Variants in NFYC observed in about 807,000 individuals in gnomAD.
The protein encoded by NFYC is CAAT box DNA-binding protein subunit C.
Under a neutral mutation model 53.1 loss-of-function variants are expected in NFYC, and 25 were observed. The observed-to-expected ratio is 0.47, with a 90% CI of 0.34 to 0.66. The LOEUF (loss-of-function observed/expected upper bound fraction) is 0.66, where lower values mean the gene tolerates loss of function less well. Ranked by LOEUF, NFYC falls within the 30% of genes least tolerant of loss-of-function variation. NFYC has a pLI of 0.01. For synonymous variants in NFYC, 145 were observed against 152.6 expected (o/e 0.95, Z 0.37); for missense variants, 260 against 422.7 (o/e 0.62, Z 3.38).
chr1:40,722,119 C>A (rs1398142594), intron 1 of NFYC, among the ~76,000 whole-genome samples: 1 of 152,012 alleles, frequency 6.6e-6, no homozygotes, highest in East Asian at 1.9e-4. Flanking sequence ...TGCAGTGAGC[C>A]AAGATCATGC....
intron 9 of NFYC, among the ~76,000 whole-genome samples, chr1:40,769,759 AT>A (rs890526121): frequency 6.6e-6 from 1 of 152,076 alleles, no homozygotes; most frequent in East Asian, 1.9e-4. Context: ...CTAGAACTGT[AT>A]TTTTTTCCCC....
chr1:40,710,179 A>G (rs1290451513), intron 1 of NFYC, among the ~76,000 whole-genome samples: 5 of 152,248 alleles, frequency 3.3e-5, no homozygotes, highest in Admixed American at 1.3e-4. Flanking sequence ...TGTAGTAACA[A>G]TCTTTGTTTT....
intron 1 of NFYC, chr1:40,692,182 GC>G (rs1447246752): frequency 5.5e-6 from 1 of 182,904 alleles, no homozygotes; most frequent in Non-Finnish European, 1.2e-5. Flanking sequence ...TATTGGACGC[GC>G]CAGCTCCGGT....
chr1:40,706,293 G>C (rs1447167953), intron 1 of NFYC, among the ~76,000 whole-genome samples: 1 of 152,088 alleles, frequency 6.6e-6, no homozygotes, highest in Non-Finnish European at 1.5e-5. Context: ...GTATTGTAGT[G>C]AGAATTAGAG....
At chr1:40,705,422 A>G (rs1643649138) in intron 1 of NFYC, among the ~76,000 whole-genome samples, 1 of 152,172 alleles carries the variant, frequency 6.6e-6, no homozygotes, top group Non-Finnish European at 1.5e-5. Context: ...GGATGGGAGT[A>G]GCTATTCAGA....
At chr1:40,762,482 C>T (rs911231731) in intron 6 of NFYC, among the ~76,000 whole-genome samples, 1 of 152,214 alleles carries the variant, frequency 6.6e-6, no homozygotes, top group Non-Finnish European at 1.5e-5. Flanking sequence ...CTGACCCTTT[C>T]CATTTAATGT....
In NFYC at chr1:40,713,720, T is replaced by C. The variant is rs1570378313; in HGVS notation, c.-9+21853T>C. Among the ~76,000 whole-genome samples the C allele has an allele frequency of 2.0e-5, 3 of 152,342 alleles. No homozygotes were observed. The South Asian group carries it at 6.2e-4, about 32-fold the overall frequency. On this transcript the variant is annotated intron_variant, in intron 1 of 9. Coordinates refer to ENST00000447388, the MANE Select transcript of NFYC (RefSeq NM_014223.5). ...GTCTTTCAGCTTTTTAGGAACAGGC[T>C]TGTACAAGTTTGGAGATTTGACTCC...
At chr1:40,761,458 A>G (rs1236760183) in intron 6 of NFYC, among the ~76,000 whole-genome samples, 4 of 152,248 alleles carry the variant, frequency 2.6e-5, no homozygotes, top group African/African-American at 9.6e-5. Flanking sequence ...GAAAGAATGC[A>G]TATTTTGGTA....
chr1:40,733,010 C>A (rs895643989), intron 1 of NFYC, among the ~76,000 whole-genome samples: 12 of 63,028 alleles, frequency 1.9e-4, no homozygotes, highest in Admixed American at 6.0e-4. Flanking sequence ...CAAGATTCGC[C>A]CCCCCCCCCT....
chr1:40,727,464 CCT>C (rs1644568310), intron 1 of NFYC, among the ~76,000 whole-genome samples: 2 of 151,904 alleles, frequency 1.3e-5, no homozygotes, highest in African/African-American at 4.8e-5. Flanking sequence ...CTAAAGCAGT[CCT>C]CCCGCCTTGG....
chr1:40,702,371 C>G (rs1266628469), intron 1 of NFYC, among the ~76,000 whole-genome samples: 1 of 136,210 alleles, frequency 7.3e-6, no homozygotes, highest in Non-Finnish European at 1.5e-5. Flanking sequence ...GAGAGGGAGT[C>G]TCTCTTTGTC....
Position 40,758,714 on chromosome 1 carries a change from C to T in NFYC, c.561+420C>T, listed in dbSNP as rs1039965938. On this transcript the variant is annotated intron_variant, in intron 6 of 9. Transcript: ENST00000447388. ...TGCCAAGTTGCATACTCCTTCTCCC[C>T]GTCATTTCTCTGTCCCATATTTGTG... Among the ~76,000 whole-genome samples, 5 of 152,156 alleles carry T rather than the reference C, an allele frequency of 3.3e-5. No individual in the cohort carries two copies. In the South Asian group the frequency reaches 6.2e-4, roughly 19 times the overall value.
chr1:40,726,413 T>G (rs1644522062), intron 1 of NFYC, among the ~76,000 whole-genome samples: 1 of 151,114 alleles, frequency 6.6e-6, no homozygotes, highest in South Asian at 2.1e-4. Flanking sequence ...CCACCGCATC[T>G]GGCCTGTTTT....
intron 4 of NFYC, among the ~76,000 whole-genome samples, chr1:40,750,020 C>A (rs1313724882): frequency 6.6e-6 from 1 of 152,222 alleles, no homozygotes; most frequent in Non-Finnish European, 1.5e-5. Context: ...GAGTATTTAC[C>A]TGTTTCCAAA....
At chr1:40,764,483 T>G (rs1022247777) in intron 7 of NFYC, among the ~76,000 whole-genome samples, 1 of 152,184 alleles carries the variant, frequency 6.6e-6, no homozygotes, top group African/African-American at 2.4e-5. Flanking sequence ...CCCCAAGATT[T>G]CTGTTGAATG....
chr1:40,692,623 G>T (rs1338767169), intron 1 of NFYC, among the ~76,000 whole-genome samples: 3 of 152,114 alleles, frequency 2.0e-5, no homozygotes, highest in East Asian at 1.9e-4. Flanking sequence ...CGGTAGAATC[G>T]GATCAGGGAT....
intron 5 of NFYC, chr1:40,754,420 T>A (rs1646094154): frequency 1.9e-6 from 1 of 534,226 alleles, no homozygotes; most frequent in Non-Finnish European, 3.8e-6. Context: ...GAGCTTTCAG[T>A]CGGATGTTTA....
intron 1 of NFYC, among the ~76,000 whole-genome samples, chr1:40,693,013 T>C (rs967770770): frequency 1.3e-5 from 2 of 152,184 alleles, no homozygotes; most frequent in Admixed American, 1.3e-4. Flanking sequence ...TTGGTAGTTA[T>C]TTGTTGAGTA....
chr1:40,710,750 CT>C (rs1194911082), intron 1 of NFYC, among the ~76,000 whole-genome samples: 1 of 152,114 alleles, frequency 6.6e-6, no homozygotes, highest in Non-Finnish European at 1.5e-5. Context: ...CCTTAGAGGA[CT>C]GATAGGATTT....
Sources: gnomAD v4.1 joint callset for allele counts (sites outside exome capture counted in the v4.1 genomes callset) on GRCh38, gnomAD v4.1.1 for gene constraint, MANE v1.5 for transcripts, NCBI Gene and HGNC (gene_info 2026-07-23, HGNC 2026-07-21) for gene names.